KIRREL2: variants seen among roughly 807,000 people sequenced by gnomAD.
KIRREL2 encodes the protein kin of IRRE-like protein 2.
In KIRREL2, 56 loss-of-function variants were observed where a neutral mutation model predicts 73.4. The ratio of observed to expected loss-of-function variants is 0.76; its 90% CI spans 0.62 to 0.95. KIRREL2 has a LOEUF of 0.95. KIRREL2 is among the 40% of genes least tolerant of loss of function. The pLI, the probability that KIRREL2 is intolerant of heterozygous loss-of-function variation, is 0.00. For synonymous variants in KIRREL2, 407 were observed against 404.0 expected, an observed-to-expected ratio of 1.01 and a Z score of -0.09; for missense variants, 896 against 935.0, an observed-to-expected ratio of 0.96 and a Z score of 0.54.
rs1180373758 is a variant in KIRREL2, at chr19:35,857,490, A to G, written c.207A>G (p.Leu69=). The part of the protein sequence containing the change: ...SGLALGGQRD[L]PGWSRYWISG... ...TGGCCCTAGGGGGCCAAAGGGACCT[A>G]CCAGGTAAGAGTGTTCTCTCCACGC... Residue 69 remains leucine (L), a synonymous_variant, in exon 2 of 15, where the codon CTA becomes CTG. Transcript: ENST00000360202. The G allele has an allele frequency of 5.0e-6, 8 of 1,588,958 alleles. No individual in the cohort carries two copies. The highest frequency in any genetic ancestry group is 6.0e-6 in the Non-Finnish European group (7 of 1,169,198).
chr19:35,856,604 C>T (rs1973434030), upstream of KIRREL2: 1 of 219,898 alleles, frequency 4.5e-6, no homozygotes, highest in Non-Finnish European at 9.3e-6. The surrounding 1 kb of genome is among the most constrained non-coding windows in gnomAD (Gnocchi z 5.9). Flanking sequence ...CGCAGTCCCT[C>T]TAGGACCTGG....
At chr19:35,858,332 A>T in intron 2 of KIRREL2, 76 bp from the exon 3 acceptor site, 1 of 1,537,774 alleles carries the variant, frequency 6.5e-7, no homozygotes. Flanking sequence ...TTTCTGGTGG[A>T]GGATGTCTGG....
upstream of KIRREL2, among the ~76,000 whole-genome samples, chr19:35,852,097 CT>C (rs10566018): frequency 0.038 from 4,599 of 121,500 alleles, 180 homozygotes; most frequent in African/African-American, 0.12. Context: ...TTTTTTTTTT[CT>C]TTTTTTTTTT....
At chr19:35,864,580 C>T in intron 13 of KIRREL2, 68 bp from the exon 14 acceptor site, 3 of 1,344,362 alleles carry the variant, frequency 2.2e-6, no homozygotes, top group Non-Finnish European at 3.2e-6. Context: ...GGCTGAAGGT[C>T]CTTGGGGTCT....
rs377661393 is a variant in KIRREL2, at chr19:35,861,023, G to C, written c.1043G>C (p.Arg348Pro). The C allele has an allele frequency of 6.2e-7, 1 of 1,611,828 alleles. No individual in the cohort carries two copies. The highest frequency in any genetic ancestry group is 8.5e-7 in the Non-Finnish European group (1 of 1,179,334). ...CTTCCACGGGTAACCTGGACCCGCC[G>C]CGGTGGCGCGCAGGTACAGCCCTAA... ...NPLPRVTWTR[R>P]GGAQVLGSGA... Residue 348 changes from arginine to proline, a missense_variant, in exon 8 of 15, where the codon CGC becomes CCC. Physicochemically the swap from Arg to Pro is moderately radical, Grantham distance 103. Coordinates refer to ENST00000360202, the MANE Select transcript of KIRREL2 (RefSeq NM_199180.4).
Position 35,861,622 on chromosome 19 carries a change from C to A in KIRREL2, c.1271C>A (p.Ser424Tyr). The stretch of plus-strand genomic sequence containing the variant: ...CGCCTCCAGTGTCTGGTTTTCGCCT[C>A]TCCCGCCCCAGATGCCGTGGTAAGG... ...PARLQCLVFASPAPDAVVWSW... is the reference protein window; with the variant it reads ...PARLQCLVFAYPAPDAVVWSW... Residue 424 changes from serine to tyrosine, a missense_variant, in exon 10 of 15, where the codon TCT (serine) becomes TAT (tyrosine). Transcript: ENST00000360202. 6.2e-7 allele frequency: 1 copy of A among 1,613,414 alleles called. No homozygotes were observed.
At chr19:35,863,082 A>G (rs748445274) in intron 13 of KIRREL2, 46 bp downstream of exon 13, 8 of 1,082,892 alleles carry the variant, frequency 7.4e-6, no homozygotes, top group South Asian at 6.7e-5. Flanking sequence ...CCAGACCTAA[A>G]TAATAGCCCA....
At chr19:35,862,427 A>G (rs971910270) in intron 11 of KIRREL2, 66 bp from the exon 12 acceptor site, 37 of 1,219,342 alleles carry the variant, frequency 3.0e-5, no homozygotes, top group Non-Finnish European at 4.4e-5. Flanking sequence ...CCCAAACTCA[A>G]TCCCTGAGCC....
chr19:35,859,502 C>T lies in KIRREL2; in HGVS notation c.544C>T (p.Pro182Ser). ...CCAGACCCTGCTGAAGGAAGGGACC[C>T]CTGGGTCAGTGGAGAGCACCTTAAC... ...FHQTLLKEGT[P>S]GSVESTLTLT... is the part of the protein sequence containing the mutation. The change falls in exon 5 of 15, where the codon CCT becomes TCT. Residue 182 changes from proline (P) to serine (S), a missense_variant. Coordinates refer to ENST00000360202, the MANE Select transcript of KIRREL2 (RefSeq NM_199180.4). The T allele has an allele frequency of 6.2e-7, 1 of 1,614,138 alleles. No individual in the cohort carries two copies. Among genetic ancestry groups the T allele is most frequent in the African/African-American group, 1.3e-5 (1 of 75,036 alleles).
chr19:35,859,683 T>A, intron 5 of KIRREL2, 52 bp downstream of exon 5: 1 of 1,597,164 alleles, frequency 6.3e-7, no homozygotes, highest in Non-Finnish European at 8.5e-7. Context: ...GACTCCTGGG[T>A]ATGAGGAAGG....
upstream of KIRREL2, among the ~76,000 whole-genome samples, chr19:35,855,136 A>C (rs1973377940): frequency 1.3e-5 from 2 of 149,578 alleles, no homozygotes; most frequent in African/African-American, 2.5e-5. Context: ...CACATGCTTG[A>C]CTCCTTGCCC....
chr19:35,854,037 G>A (rs1043789024), upstream of KIRREL2, among the ~76,000 whole-genome samples: 3 of 152,028 alleles, frequency 2.0e-5, no homozygotes, highest in African/African-American at 7.2e-5. Context: ...TAGAGACGGG[G>A]TTTCGCCATG....
At chr19:35,851,932 C>T, upstream of KIRREL2, 1 of 1,059,788 alleles carries the variant, frequency 9.4e-7, no homozygotes, top group Non-Finnish European at 1.4e-6. Context: ...GTCTCTGCCA[C>T]CTGCTTTTCT....
chr19:35,851,707 G>C (rs763349074), upstream of KIRREL2: 1 of 1,589,650 alleles, frequency 6.3e-7, no homozygotes, highest in Admixed American at 1.8e-5. Flanking sequence ...AAAGGGCAGA[G>C]GGTTTGTCTA....
chr19:35,852,908 C>A (rs577901568), upstream of KIRREL2, among the ~76,000 whole-genome samples: 10 of 152,226 alleles, frequency 6.6e-5, no homozygotes, highest in Admixed American at 6.5e-4. Context: ...AATTCTCCCA[C>A]CTCTGTCTCC....
intron 4 of KIRREL2, 39 bp downstream of exon 4, chr19:35,858,903 G>A: frequency 6.2e-7 from 1 of 1,608,378 alleles, no homozygotes; most frequent in Non-Finnish European, 8.5e-7. Flanking sequence ...TGCCCATTGA[G>A]GGAAACTTGG....
At chr19:35,865,174 T>TTC (rs1599873634) in intron 14 of KIRREL2, among the ~76,000 whole-genome samples, 1 of 1,496 alleles carries the variant, frequency 6.7e-4, no homozygotes, top group African/African-American at 3.2e-3. Flanking sequence ...CTCTCTCTTC[T>TTC]TTTTTTTTTT....
upstream of KIRREL2, chr19:35,851,970 C>T: frequency 3.9e-6 from 3 of 759,722 alleles, no homozygotes; most frequent in Non-Finnish European, 6.8e-6. Context: ...TACTCTCCTC[C>T]CTTTCTCGTT....
chr19:35,857,340 C>A lies in KIRREL2; in HGVS notation c.62-5C>A, dbSNP rs374954520. On this transcript the variant is annotated splice_region_variant and splice_polypyrimidine_tract_variant and intron_variant, in intron 1 of 14. Transcript: ENST00000360202. ...GCTCAGCCCTGCTGCCCCGAACTCT[C>A]CTAGGCCCGTCGCCCCATTTCCTGC... 2 of 1,612,178 alleles carry A rather than the reference C, an allele frequency of 1.2e-6. No individual in the cohort carries two copies. The highest frequency in any genetic ancestry group is 1.7e-6 in the Non-Finnish European group (2 of 1,180,030).
Sources: gnomAD v4.1 joint callset for allele counts (sites outside exome capture counted in the v4.1 genomes callset) on GRCh38, gnomAD v4.1.1 for gene constraint, Gnocchi (gnomAD v3.1) non-coding constraint, MANE v1.5 for transcripts, NCBI Gene and HGNC (gene_info 2026-07-23, HGNC 2026-07-21) for gene names.